Variants in FHAD1 observed in about 807,000 individuals in gnomAD.
The protein encoded by FHAD1 is forkhead-associated domain-containing protein 1.
Under a neutral mutation model 191.3 loss-of-function variants are expected in FHAD1, and 146 were observed. The ratio of observed to expected loss-of-function variants is 0.76; its 90% confidence interval spans 0.67 to 0.88. The LOEUF is 0.88. Among genes scored for constraint, FHAD1 ranks in the 40% least tolerant of loss-of-function variants. The pLI, the probability that FHAD1 is intolerant of heterozygous loss-of-function variation, is 0.00. For missense variants in FHAD1, 1,635 were observed against 1,785.8 expected, an observed-to-expected ratio of 0.92 and a Z score of 1.52; for synonymous variants, 616 against 672.3, an observed-to-expected ratio of 0.92 and a Z score of 1.29.
intron 3 of FHAD1, among the ~76,000 whole-genome samples, chr1:15,279,659 C>A (rs1659838657): frequency 6.6e-6 from 1 of 151,932 alleles, no homozygotes; most frequent in Non-Finnish European, 1.5e-5. Context: ...GCAACCCCAG[C>A]ACCTTCCAAA....
intron 33 of FHAD1, among the ~76,000 whole-genome samples, chr1:15,396,742 C>G (rs1274769268): frequency 2.6e-5 from 4 of 151,342 alleles, no homozygotes; most frequent in African/African-American, 9.7e-5. Flanking sequence ...TCCGTGAGGT[C>G]GAGGTTGCAG....
downstream of FHAD1, among the ~76,000 whole-genome samples, chr1:15,401,785 A>G (rs1707133143): frequency 1.3e-5 from 2 of 152,132 alleles, no homozygotes; most frequent in African/African-American, 4.8e-5. Context: ...AGGCCTCCTA[A>G]AGCAGGATGG....
chr1:15,374,322 A>G (rs1698957175), intron 26 of FHAD1, among the ~76,000 whole-genome samples, 180 bp from the exon 27 acceptor site: 2 of 152,234 alleles, frequency 1.3e-5, no homozygotes, highest in African/African-American at 4.8e-5. Context: ...GTCTTCCTAC[A>G]TGTGACCCGA....
intron 2 of FHAD1, among the ~76,000 whole-genome samples, chr1:15,271,140 GAAAAAAA>G (rs543401814): frequency 2.3e-4 from 18 of 76,682 alleles, no homozygotes; most frequent in South Asian, 9.5e-4. Context: ...CTCCATCTCG[GAAAAAAA>G]AAAAAAAAAA....
At position 15,382,116 on chromosome 1, in the gene FHAD1, C is replaced by G; in HGVS notation, c.4111C>G (p.Leu1371Val). ...IYKEAEEKAL[L>V]KEALERMEHQ... ...CAAAGAGGCCGAAGAGAAGGCCCTG[C>G]TGAAGGAGGCCCTGGAGCGCATGGA... is the stretch of plus-strand genomic sequence containing the variant. Residue 1371 changes from leucine (L) to valine (V), a missense_variant, in exon 31 of 34, where the codon CTG becomes GTG. Coordinates refer to ENST00000688493, the MANE Select transcript of FHAD1 (RefSeq NM_001391957.1). The G allele has an allele frequency of 6.4e-7, 1 of 1,552,146 alleles. No individual in the cohort carries two copies. Among genetic ancestry groups the G allele is most frequent in the Non-Finnish European group, 8.7e-7 (1 of 1,147,084 alleles).
Position 15,340,289 on chromosome 1 carries a change from A to G in FHAD1, c.1977+738A>G, listed in dbSNP as rs568641983. 6.6e-5 allele frequency among the ~76,000 whole-genome samples: 10 copies of G among 152,378 alleles called. No homozygotes were observed. The South Asian group carries it at 2.1e-3, about 32-fold the overall frequency. ...ATAGCTATTGCCATAATAGTATTAT[A>G]TAATAAACAACCACAAAACTTCAGC... is the stretch of plus-strand genomic sequence containing the variant. On this transcript the variant is annotated intron_variant, in intron 15 of 33. Coordinates refer to ENST00000688493, the MANE Select transcript of FHAD1 (RefSeq NM_001391957.1).
chr1:15,379,179 C>A (rs901437793), intron 28 of FHAD1, among the ~76,000 whole-genome samples: 1 of 152,118 alleles, frequency 6.6e-6, no homozygotes, highest in South Asian at 2.1e-4. Flanking sequence ...CTCTGAGTTC[C>A]CTTAGTATTT....
intron 14 of FHAD1, among the ~76,000 whole-genome samples, chr1:15,330,300 GGA>G (rs932981089): frequency 1.3e-5 from 2 of 152,186 alleles, no homozygotes; most frequent in African/African-American, 4.8e-5. Context: ...TCCTAGAGGT[GGA>G]GAGGTATGAA....
intron 3 of FHAD1, among the ~76,000 whole-genome samples, chr1:15,274,611 CAAA>C (rs112527521): frequency 1.4e-5 from 2 of 145,586 alleles, no homozygotes. Flanking sequence ...GACTCCGCCT[CAAA>C]AAAAAAAAAA....
chr1:15,402,019 G>A (rs1026286322), downstream of FHAD1, among the ~76,000 whole-genome samples: 10 of 152,220 alleles, frequency 6.6e-5, no homozygotes, highest in African/African-American at 1.9e-4. Flanking sequence ...CTTGTTTTGA[G>A]TTTCCTGTCA....
At chr1:15,315,233 C>T (rs1032274048) in intron 8 of FHAD1, 1 of 152,068 alleles carries the variant, frequency 6.6e-6, no homozygotes, top group Non-Finnish European at 1.5e-5. Flanking sequence ...AGAAATGCCA[C>T]CGCCAAGAAA....
At chr1:15,285,244 AAAC>A (rs1360770607) in intron 3 of FHAD1, among the ~76,000 whole-genome samples, 1 of 152,218 alleles carries the variant, frequency 6.6e-6, no homozygotes, top group Non-Finnish European at 1.5e-5. Flanking sequence ...TTCAAAAAAC[AAAC>A]AATGCCGGGC....
intron 28 of FHAD1, 146 bp from the exon 29 acceptor site, chr1:15,380,555 A>T: frequency 1.6e-6 from 1 of 638,100 alleles, no homozygotes; most frequent in Non-Finnish European, 2.8e-6. Context: ...GCAGTTGACA[A>T]AGGAATCAGA....
At chr1:15,346,324 A>T (rs1688914451) in intron 18 of FHAD1, among the ~76,000 whole-genome samples, 1 of 152,360 alleles carries the variant, frequency 6.6e-6, no homozygotes, top group African/African-American at 2.4e-5. Context: ...TTAAAAGTTC[A>T]GATTTCCAGC....
At chr1:15,303,476 T>G (rs1669449310) in intron 6 of FHAD1, among the ~76,000 whole-genome samples, 1 of 152,236 alleles carries the variant, frequency 6.6e-6, no homozygotes, top group Non-Finnish European at 1.5e-5. Context: ...TCTCTTTGAG[T>G]CTGTGTCCAC....
At chr1:15,301,808 C>G (rs1668886165) in intron 6 of FHAD1, among the ~76,000 whole-genome samples, 1 of 152,168 alleles carries the variant, frequency 6.6e-6, no homozygotes, top group Non-Finnish European at 1.5e-5. Context: ...AGGCAGATCA[C>G]TTGAGGTCAG....
chr1:15,287,029 A>T (rs1239069219), intron 3 of FHAD1: 1 of 152,272 alleles, frequency 6.6e-6, no homozygotes, highest in Non-Finnish European at 1.5e-5. Flanking sequence ...TTAAACCCAT[A>T]GGAAAAGGTC....
intron 3 of FHAD1, among the ~76,000 whole-genome samples, chr1:15,283,889 A>G (rs1417033061): frequency 6.6e-6 from 1 of 152,208 alleles, no homozygotes; most frequent in African/African-American, 2.4e-5. Context: ...TCATTAGCCA[A>G]TCATCTAAGA....
At position 15,329,693 on chromosome 1, in the gene FHAD1, T is replaced by C. The variant is rs1680424728; in HGVS notation, c.1906+152T>C. ...ACCCCCTGCTTCTCTGCTTGAGGCG[T>C]AATTTTCCATTAAAAAAAAAAACAC... On this transcript the variant is annotated intron_variant, in intron 14 of 33. Transcript: ENST00000688493. The surrounding 1 kb of genome is among the most constrained non-coding windows in gnomAD (Gnocchi z 5.0). 2 of 565,022 alleles carry C rather than the reference T, an allele frequency of 3.5e-6. No homozygotes were observed. Among genetic ancestry groups the C allele is most frequent in the East Asian group, 2.9e-5 (1 of 34,424 alleles). 35.0% of individuals were successfully genotyped at this position (565,022 alleles called of 1,614,324 possible).
Sources: gnomAD v4.1 joint callset for allele counts (sites outside exome capture counted in the v4.1 genomes callset) on GRCh38, gnomAD v4.1.1 for gene constraint, Gnocchi (gnomAD v3.1) non-coding constraint, MANE v1.5 for transcripts, NCBI Gene and HGNC (gene_info 2026-07-23, HGNC 2026-07-21) for gene names.